The following SERPINA12 variants were observed in gnomAD, a reference collection of about 807,000 sequenced individuals.
SERPINA12 encodes the protein serpin A12.
A neutral mutation model predicts 25.9 loss-of-function variants in SERPINA12; 21 were observed. That is an observed-to-expected ratio of 0.81 (90% confidence interval 0.58 to 1.17). SERPINA12 has a LOEUF of 1.17. Among genes scored for constraint, SERPINA12 ranks in the 50% most tolerant of loss-of-function variants. The pLI is 0.00. For missense variants in SERPINA12, 562 were observed against 508.3 expected (o/e 1.11, Z -1.02); for synonymous variants, 220 against 196.0 (o/e 1.12, Z -1.02).
intron 1 of SERPINA12, among the ~76,000 whole-genome samples, chr14:94,504,865 A>G (rs977521550): frequency 6.6e-6 from 1 of 152,224 alleles, no homozygotes; most frequent in Non-Finnish European, 1.5e-5. Context: ...GTCTTTAAAA[A>G]ACAGATATTA....
chr14:94,499,923 G>T (rs1305375309), intron 1 of SERPINA12, among the ~76,000 whole-genome samples: 1 of 152,162 alleles, frequency 6.6e-6, no homozygotes, highest in African/African-American at 2.4e-5. Context: ...ATCAGCCAAG[G>T]ACAATTTTCT....
chr14:94,498,501 A>T, intron 1 of SERPINA12, 71 bp from the exon 2 acceptor site: 3 of 1,244,160 alleles, frequency 2.4e-6, no homozygotes, highest in Non-Finnish European at 3.4e-6. Context: ...GACCAGATGA[A>T]AGAAGAAATA....
intron 1 of SERPINA12, among the ~76,000 whole-genome samples, chr14:94,498,664 C>T (rs186517424): frequency 1.1e-4 from 16 of 152,280 alleles, no homozygotes; most frequent in Admixed American, 6.5e-4. Flanking sequence ...TTTTTGTACC[C>T]TCTTTATGGA....
chr14:94,510,353 A>G, upstream of SERPINA12: 1 of 677,694 alleles, frequency 1.5e-6, no homozygotes, highest in Non-Finnish European at 1.8e-6. Flanking sequence ...GCATTTGCTC[A>G]ACATTACTAA....
chr14:94,496,139 G>A lies in SERPINA12; in HGVS notation c.905+234C>T, dbSNP rs191515296. Among the ~76,000 whole-genome samples, 151 of 152,200 alleles carry A rather than the reference G, an allele frequency of 9.9e-4. 2 individuals are homozygous for A. Among genetic ancestry groups the A allele is most frequent in the Admixed American group, 2.5e-3 (38 of 15,274 alleles). ...CTCTATGAAGTCCTCCCTGACCACC[G>A]CCCTCCAGTAAGACTCCATCTACTG... is the stretch of plus-strand genomic sequence containing the variant. On this transcript the variant is annotated intron_variant, in intron 3 of 4. Coordinates refer to ENST00000677451, the MANE Select transcript of SERPINA12 (RefSeq NM_001382267.1).
intron 4 of SERPINA12, among the ~76,000 whole-genome samples, chr14:94,489,297 C>T (rs181131842): frequency 9.9e-5 from 15 of 152,132 alleles, no homozygotes; most frequent in Non-Finnish European, 1.6e-4. Flanking sequence ...GAAAGAAAGA[C>T]GGATGTGGCC....
chr14:94,495,121 T>A, intron 3 of SERPINA12, among the ~76,000 whole-genome samples: 1 of 132,282 alleles, frequency 7.6e-6, no homozygotes, highest in Non-Finnish European at 1.5e-5. Context: ...CAGGCTGGAG[T>A]GCAGTGGCGG....
At chr14:94,501,646 G>T (rs921970311) in intron 1 of SERPINA12, among the ~76,000 whole-genome samples, 1 of 150,356 alleles carries the variant, frequency 6.7e-6, no homozygotes, top group Non-Finnish European at 1.5e-5. Context: ...CTGATCAGGT[G>T]GCACTGCCAC....
At chr14:94,499,270 G>T (rs949972804) in intron 1 of SERPINA12, among the ~76,000 whole-genome samples, 7 of 152,198 alleles carry the variant, frequency 4.6e-5, no homozygotes, top group African/African-American at 1.4e-4. Flanking sequence ...GGAAGAGGAT[G>T]GCACCATGGG....
chr14:94,501,735 C>T (rs1007570691), intron 1 of SERPINA12, among the ~76,000 whole-genome samples: 26 of 150,728 alleles, frequency 1.7e-4, no homozygotes, highest in African/African-American at 5.6e-4. Flanking sequence ...ACCCTCCCAC[C>T]TCAGCATGCC....
intron 3 of SERPINA12, among the ~76,000 whole-genome samples, chr14:94,490,996 A>G (rs1373681439): frequency 2.6e-5 from 4 of 152,072 alleles, no homozygotes; most frequent in East Asian, 1.9e-4. Context: ...CTCCATCCCC[A>G]TACATGTCAT....
At chr14:94,512,628 C>T (rs1901139707), upstream of SERPINA12, among the ~76,000 whole-genome samples, 1 of 151,906 alleles carries the variant, frequency 6.6e-6, no homozygotes, top group Non-Finnish European at 1.5e-5. Flanking sequence ...GTGTGCCTAA[C>T]ACTGCTGGAG....
exon 1 of SERPINA12, chr14:94,517,668 A>G (rs1353434832): frequency 4.6e-5 from 7 of 152,216 alleles, no homozygotes; most frequent in Non-Finnish European, 7.3e-5. Flanking sequence ...CAACTTAAGA[A>G]GAAGGCCCAG....
chr14:94,489,167 GAAA>G (rs1026386571), intron 4 of SERPINA12, among the ~76,000 whole-genome samples: 7 of 138,286 alleles, frequency 5.1e-5, no homozygotes, highest in African/African-American at 1.9e-4. Context: ...AAGAAAGAAA[GAAA>G]AAAAGAGAGA....
chr14:94,515,478 C>T (rs1445226512), intron 2 of SERPINA12, among the ~76,000 whole-genome samples: 1 of 152,164 alleles, frequency 6.6e-6, no homozygotes, highest in Non-Finnish European at 1.5e-5. Context: ...TCAGCATCTC[C>T]GTGGACGGGG....
intron 4 of SERPINA12, 125 bp downstream of exon 4, chr14:94,489,495 T>C (rs923096483): frequency 1.1e-5 from 12 of 1,129,334 alleles, no homozygotes; most frequent in Non-Finnish European, 1.5e-5. Context: ...CACAGCTGCA[T>C]TCATGCCCGC....
chr14:94,497,576 T>C (rs1900490297), intron 2 of SERPINA12, among the ~76,000 whole-genome samples, 188 bp downstream of exon 2: 1 of 152,228 alleles, frequency 6.6e-6, no homozygotes, highest in Non-Finnish European at 1.5e-5. Context: ...ACATTTTCAC[T>C]TTAAATCTCA....
At chr14:94,495,423 G>T (rs917614496) in intron 3 of SERPINA12, among the ~76,000 whole-genome samples, 1 of 152,146 alleles carries the variant, frequency 6.6e-6, no homozygotes, top group Non-Finnish European at 1.5e-5. Context: ...ATGCATTCTG[G>T]AATGCCTCCA....
At chr14:94,492,188 C>T (rs1162164122) in intron 3 of SERPINA12, among the ~76,000 whole-genome samples, 2 of 152,076 alleles carry the variant, frequency 1.3e-5, no homozygotes, top group African/African-American at 4.8e-5. Context: ...ACCCTTGGGA[C>T]CCTGGGAAGG....
Sources: gnomAD v4.1 joint callset for allele counts (sites outside exome capture counted in the v4.1 genomes callset) on GRCh38, gnomAD v4.1.1 for gene constraint, MANE v1.5 for transcripts, NCBI Gene and HGNC (gene_info 2026-07-23, HGNC 2026-07-21) for gene names.